Variants in PRH1 observed in about 807,000 individuals in gnomAD.
PRH1 encodes salivary acidic proline-rich phosphoprotein 1/2.
Under a neutral mutation model 7.9 loss-of-function variants are expected in PRH1, and 7 were observed. That is an observed-to-expected ratio of 0.89 (90% CI 0.50 to 1.67). PRH1 has a LOEUF of 1.67. PRH1 is among the 40% of genes most tolerant of loss of function. The probability of loss-of-function intolerance (pLI) is 0.00; values close to 1 mark genes in which losing one functional copy is unlikely to be tolerated. For missense variants in PRH1, 109 were observed against 223.6 expected (o/e 0.49, Z 3.27); for synonymous variants, 45 against 80.8 (o/e 0.56, Z 2.38).
intron 1 of PRH1, among the ~76,000 whole-genome samples, chr12:11,138,746 G>A (rs1946624998): frequency 6.6e-6 from 1 of 152,094 alleles, no homozygotes; most frequent in African/African-American, 2.4e-5. Context: ...ATTAATTTAA[G>A]AAAACTTTTG....
downstream of PRH1, among the ~76,000 whole-genome samples, chr12:11,116,209 C>A (rs1286514479): frequency 2.6e-5 from 4 of 151,888 alleles, no homozygotes; most frequent in African/African-American, 9.7e-5. Context: ...AGAGATATTA[C>A]AACTGATACC....
At chr12:10,892,914 A>C (rs1469946086) in intron 2 of PRH1, among the ~76,000 whole-genome samples, 1 of 152,198 alleles carries the variant, frequency 6.6e-6, no homozygotes, top group Non-Finnish European at 1.5e-5. Context: ...GCCTGCTTGT[A>C]AGCAAGTGTG....
intron 1 of PRH1, among the ~76,000 whole-genome samples, chr12:11,082,763 G>T (rs796512600): frequency 5.4e-4 from 54 of 99,866 alleles, no homozygotes; most frequent in Non-Finnish European, 6.3e-4. Flanking sequence ...CTCCAGCAAA[G>T]AATACTCTTG....
rs183908293 is a variant in PRH1, at chr12:11,077,908, T to C, written n.124-30720A>G. On this transcript the variant is annotated intron_variant and non_coding_transcript_variant, in intron 1 of 4. Transcript: ENST00000541977. ...GTGGAGAAAAATAAGGTTGGAGAAA[T>C]TGGCAATCTTGAGCAAATAAAATAT... 1.6e-4 allele frequency: 158 copies of C among 993,262 alleles called. 4 individuals are homozygous for C. In the East Asian group the frequency reaches 3.1e-3, roughly 19 times the overall value. 61.5% of individuals were successfully genotyped at this position (993,262 alleles called of 1,614,324 possible).
intron 1 of PRH1, among the ~76,000 whole-genome samples, chr12:10,974,212 T>C (rs1333258117): frequency 6.6e-6 from 1 of 152,196 alleles, no homozygotes; most frequent in Non-Finnish European, 1.5e-5. Flanking sequence ...TAAAGATGAA[T>C]TTAGGCTACT....
intron 1 of PRH1, among the ~76,000 whole-genome samples, chr12:11,073,676 C>A (rs1591956079): frequency 1.3e-5 from 2 of 151,942 alleles, no homozygotes; most frequent in South Asian, 2.1e-4. Context: ...CAAGTGGAAT[C>A]CAGAACATAA....
intron 1 of PRH1, among the ~76,000 whole-genome samples, chr12:11,093,354 A>G (rs573605411): frequency 8.6e-6 from 1 of 116,280 alleles, no homozygotes; most frequent in East Asian, 2.1e-4. Flanking sequence ...ATACTTTCGT[A>G]TAACTTCATT....
chr12:11,133,499 A>G lies in PRH1; in HGVS notation n.40-12319T>C, dbSNP rs753720978. 1.7e-4 allele frequency: 282 copies of G among 1,614,020 alleles called. No individual in the cohort carries two copies. The highest frequency in any genetic ancestry group is 4.8e-4 in the Admixed American group (29 of 59,996). On this transcript the variant is annotated intron_variant and non_coding_transcript_variant, in intron 1 of 1. Coordinates refer to the PRH1 transcript ENST00000541175. The stretch of plus-strand genomic sequence containing the variant: ...CTTTTCCAGCCTCCCAAAATTACAA[A>G]CTGATATGATCATGGACAGAAAGTA...
chr12:11,168,293 AAAGAAAG>A (rs1947677162), intron 1 of PRH1, among the ~76,000 whole-genome samples: 1 of 43,296 alleles, frequency 2.3e-5, no homozygotes, highest in Non-Finnish European at 5.7e-5. Flanking sequence ...AGAAAGAAAG[AAAGAAAG>A]AAGGAAGGAA....
intron 2 of PRH1, among the ~76,000 whole-genome samples, chr12:10,940,022 A>G (rs3851586): frequency 0.24 from 37,105 of 152,122 alleles, 4,626 homozygotes; most frequent in Admixed American, 0.27. Context: ...AATAAAGAAA[A>G]TAAAGAAAAA....
chr12:11,122,945 C>T (rs796718606), intron 1 of PRH1, among the ~76,000 whole-genome samples: 1 of 112,246 alleles, frequency 8.9e-6, no homozygotes, highest in African/African-American at 2.9e-5. Flanking sequence ...TCCCCTACAC[C>T]TTTCTTCACA....
At chr12:10,931,535 A>G (rs1420865738) in intron 2 of PRH1, among the ~76,000 whole-genome samples, 2 of 152,214 alleles carry the variant, frequency 1.3e-5, no homozygotes, top group East Asian at 3.9e-4. Flanking sequence ...CACATTTCAC[A>G]TTTAAAGTCA....
chr12:10,999,859 A>C (rs1330277201), intron 1 of PRH1, among the ~76,000 whole-genome samples: 1 of 151,996 alleles, frequency 6.6e-6, no homozygotes, highest in Non-Finnish European at 1.5e-5. Flanking sequence ...ACTAGATATC[A>C]TGTTTCTGAA....
chr12:11,072,256 G>GTGAA (rs796337298), intron 1 of PRH1, among the ~76,000 whole-genome samples: 25,827 of 150,644 alleles, frequency 0.17, no homozygotes, highest in East Asian at 0.39. Context: ...CAAAGTTCCG[G>GTGAA]GATTGCAAGC....
At chr12:11,021,655 G>A (rs769432840) in intron 1 of PRH1, 1 of 1,597,966 alleles carries the variant, frequency 6.3e-7, no homozygotes, top group Non-Finnish European at 8.6e-7. Context: ...TGGAGTTGAG[G>A]GTTTCTCTTC....
chr12:11,144,460 C>G (rs955823976), intron 1 of PRH1, among the ~76,000 whole-genome samples: 1 of 152,128 alleles, frequency 6.6e-6, no homozygotes, highest in Admixed American at 6.6e-5. Context: ...CCGACAGCAC[C>G]GATTCTATTT....
At chr12:11,050,141 A>C (rs189526070), upstream of PRH1, among the ~76,000 whole-genome samples, 3 of 152,226 alleles carry the variant, frequency 2.0e-5, no homozygotes, top group African/African-American at 7.2e-5. Context: ...TAAGACACAC[A>C]CAGAAATATA....
chr12:10,907,637 G>A (rs1949824692), intron 2 of PRH1, among the ~76,000 whole-genome samples: 1 of 151,920 alleles, frequency 6.6e-6, no homozygotes, highest in South Asian at 2.1e-4. Context: ...TAGTTGCTTG[G>A]GAAAAAGGGC....
intron 2 of PRH1, among the ~76,000 whole-genome samples, chr12:10,917,144 T>A (rs1481296954): frequency 1.3e-5 from 2 of 152,156 alleles, no homozygotes; most frequent in African/African-American, 4.8e-5. Flanking sequence ...TTTGTACGTA[T>A]GAGATAAGCT....
Sources: gnomAD v4.1 joint callset for allele counts (sites outside exome capture counted in the v4.1 genomes callset) on GRCh38, gnomAD v4.1.1 for gene constraint, MANE v1.5 for transcripts, NCBI Gene and HGNC (gene_info 2026-07-23, HGNC 2026-07-21) for gene names.